The following VWA8 variants were observed in gnomAD, a reference collection of about 807,000 sequenced individuals.
The protein encoded by VWA8 is von Willebrand factor A domain containing 8, also known as von Willebrand factor A domain-containing protein 8.
In VWA8, 221 loss-of-function variants were observed where a neutral mutation model predicts 241.5. That is an observed-to-expected ratio of 0.91 (90% CI 0.82 to 1.02). The LOEUF is 1.02. Among genes scored for constraint, VWA8 ranks in the 50% least tolerant of loss-of-function variants. The pLI is 0.00. For missense variants in VWA8, 2,322 were observed against 2,328.7 expected (o/e 1.00, Z 0.06); for synonymous variants, 852 against 827.1 (o/e 1.03, Z -0.52).
At chr13:41,915,638 T>C (rs1460205976) in intron 2 of VWA8, among the ~76,000 whole-genome samples, 2 of 152,232 alleles carry the variant, frequency 1.3e-5, no homozygotes, top group African/African-American at 4.8e-5. Flanking sequence ...TTTCTCTCTA[T>C]TTCCTTTACC....
intron 26 of VWA8, among the ~76,000 whole-genome samples, chr13:41,706,538 C>A (rs564521312): frequency 2.0e-5 from 3 of 152,322 alleles, no homozygotes; most frequent in African/African-American, 7.2e-5. Context: ...TTATTTTCCA[C>A]TACTAAGACC....
intron 22 of VWA8, among the ~76,000 whole-genome samples, chr13:41,730,522 A>T (rs1432429999): frequency 2.6e-5 from 4 of 152,088 alleles, no homozygotes; most frequent in African/African-American, 9.7e-5. Context: ...CATTAGATTG[A>T]TTTGAAGGTT....
At chr13:41,637,151 T>C (rs2139678580) in intron 37 of VWA8, among the ~76,000 whole-genome samples, 2 of 151,642 alleles carry the variant, frequency 1.3e-5, no homozygotes, top group Middle Eastern at 3.4e-3. Flanking sequence ...AATAGCAGAC[T>C]TGGAACCAAC....
intron 19 of VWA8, among the ~76,000 whole-genome samples, chr13:41,781,728 T>A (rs902001742): frequency 6.6e-5 from 10 of 152,234 alleles, no homozygotes; most frequent in African/African-American, 2.4e-4. Context: ...CTTAATGAAG[T>A]AATACTCTTT....
chr13:41,617,582 T>A (rs1165710565), intron 37 of VWA8, among the ~76,000 whole-genome samples: 1 of 152,256 alleles, frequency 6.6e-6, no homozygotes, highest in Admixed American at 6.5e-5. Flanking sequence ...GTTGGTTTGC[T>A]GCAGTCATTA....
At chr13:41,657,602 G>A (rs1176228847) in intron 37 of VWA8, among the ~76,000 whole-genome samples, 2 of 149,916 alleles carry the variant, frequency 1.3e-5, no homozygotes, top group South Asian at 2.1e-4. Context: ...CCATTCTCCC[G>A]CCTCAGCCTC....
At chr13:41,804,524 A>G (rs9566854) in intron 17 of VWA8, among the ~76,000 whole-genome samples, 37,881 of 152,008 alleles carry the variant, frequency 0.25, 5,167 homozygotes, top group South Asian at 0.3. Flanking sequence ...GAATTAAAAA[A>G]TTAATTTAAA....
intron 14 of VWA8, among the ~76,000 whole-genome samples, chr13:41,826,076 A>G (rs1243258406): frequency 3.3e-5 from 5 of 152,214 alleles, no homozygotes; most frequent in East Asian, 1.9e-4. Context: ...TAACCCTAAA[A>G]AAGAACATAT....
intron 43 of VWA8, 64 bp from the exon 44 acceptor site, chr13:41,570,770 T>A: frequency 7.0e-7 from 1 of 1,421,914 alleles, no homozygotes; most frequent in Non-Finnish European, 9.8e-7. Flanking sequence ...CAAATACGAT[T>A]ATTTTTCTAT....
chr13:41,881,854 G>T (rs1422556523), intron 9 of VWA8, among the ~76,000 whole-genome samples: 3 of 142,652 alleles, frequency 2.1e-5, no homozygotes, highest in African/African-American at 5.2e-5. Flanking sequence ...CCGGGCGGGG[G>T]GCTGACCCCC....
Position 41,886,038 on chromosome 13 carries a change from A to G in VWA8, c.867-10T>C. ...CAAGAGCTGAGAAACTCTAAGGGAA[A>G]AATGATATTAAATTTTAATAGTTTT... On this transcript the variant is annotated splice_polypyrimidine_tract_variant and intron_variant, in intron 7 of 44. Transcript: ENST00000379310. 2.6e-6 allele frequency: 4 copies of G among 1,512,830 alleles called. No homozygotes were observed. The highest frequency in any genetic ancestry group is 3.6e-6 in the Non-Finnish European group (4 of 1,118,748). The allele number at this position is 1,512,830 out of a possible 1,614,324, so 93.7% of individuals were successfully genotyped here. A position where few individuals can be genotyped will look rare whatever the true frequency, so the allele number is the denominator to read the frequency against.
At chr13:41,750,425 C>T (rs1437749156) in intron 21 of VWA8, among the ~76,000 whole-genome samples, 2 of 135,872 alleles carry the variant, frequency 1.5e-5, no homozygotes, top group Admixed American at 8.3e-5. Context: ...GAGCGAGACT[C>T]CATCTAAAAC....
At chr13:41,698,021 C>T (rs1252345133) in intron 29 of VWA8, among the ~76,000 whole-genome samples, 1 of 152,150 alleles carries the variant, frequency 6.6e-6, no homozygotes, top group African/African-American at 2.4e-5. Flanking sequence ...TTCTCCTCTT[C>T]ACCTCTCTAA....
intron 2 of VWA8, among the ~76,000 whole-genome samples, chr13:41,915,901 T>G (rs1876230903): frequency 6.6e-6 from 1 of 152,194 alleles, no homozygotes; most frequent in Non-Finnish European, 1.5e-5. Flanking sequence ...TGGCTATAAT[T>G]TATTGCATTC....
chr13:41,858,652 C>T (rs537627574), intron 12 of VWA8, among the ~76,000 whole-genome samples: 3 of 151,734 alleles, frequency 2.0e-5, no homozygotes, highest in East Asian at 3.9e-4. Flanking sequence ...AGATATGAGA[C>T]AGAAGCCTTG....
chr13:41,712,300 C>T (rs188635015), intron 26 of VWA8, among the ~76,000 whole-genome samples: 3 of 152,110 alleles, frequency 2.0e-5, no homozygotes, highest in African/African-American at 7.2e-5. Context: ...ACATGGATAC[C>T]CCAAATACCC....
intron 12 of VWA8, among the ~76,000 whole-genome samples, chr13:41,847,095 AAG>A (rs1478799645): frequency 1.3e-5 from 2 of 152,176 alleles, no homozygotes; most frequent in African/African-American, 4.8e-5. Flanking sequence ...TATATATATG[AAG>A]AGAGAAAGAG....
chr13:41,950,836 T>C (rs546595633), intron 1 of VWA8, among the ~76,000 whole-genome samples: 349 of 151,638 alleles, frequency 2.3e-3, no homozygotes, highest in Non-Finnish European at 3.3e-3. Flanking sequence ...ATCTGGCTAA[T>C]TTTTGTATTT....
At chr13:41,697,355 G>GCTAGCTCCCTGCTCAA (rs1264249435) in intron 29 of VWA8, among the ~76,000 whole-genome samples, 1 of 152,110 alleles carries the variant, frequency 6.6e-6, no homozygotes, top group East Asian at 1.9e-4. Flanking sequence ...CTTTAATCAT[G>GCTAGCTCCCTGCTCAA]CTAGCTCCCT....
Sources: allele counts gnomAD v4.1 joint callset (sites outside exome capture counted in the v4.1 genomes callset), GRCh38; gene constraint gnomAD v4.1.1; transcripts MANE v1.5; gene names NCBI Gene and HGNC (gene_info 2026-07-23, HGNC 2026-07-21).